CHLSN: variants seen among roughly 807,000 people sequenced by gnomAD.
CHLSN encodes the protein cholesin.
At chr7:1,065,867 G>A in the CHLSN span, among the ~76,000 whole-genome samples, 1 of 152,196 alleles carries the variant, frequency 6.6e-6, no homozygotes, top group Non-Finnish European at 1.5e-5. Flanking sequence ...TTAATACTCC[G>A]CGATCCAAAG....
chr7:981,307 A>AG, the CHLSN span, among the ~76,000 whole-genome samples: 1 of 151,552 alleles, frequency 6.6e-6, no homozygotes, highest in Non-Finnish European at 1.5e-5. Context: ...AAAAAAAAAA[A>AG]AAAAGAAAAG....
At chr7:995,428 TG>T in the CHLSN span, among the ~76,000 whole-genome samples, 1 of 152,338 alleles carries the variant, frequency 6.6e-6, no homozygotes, top group South Asian at 2.1e-4. Context: ...TTCCCACTAA[TG>T]GTCGGTGAGG....
chr7:1,062,168 C>T, the CHLSN span, among the ~76,000 whole-genome samples: 1 of 152,138 alleles, frequency 6.6e-6, no homozygotes, highest in African/African-American at 2.4e-5. Context: ...TGCCCTGCTT[C>T]CTTAAGTAAG....
chr7:1,135,978 A>AAT, the CHLSN span, among the ~76,000 whole-genome samples: 1 of 117,194 alleles, frequency 8.5e-6, no homozygotes, highest in Non-Finnish European at 1.6e-5. Flanking sequence ...AGTATATATA[A>AAT]ATATATAAGC....
chr7:1,114,743 G>A, the CHLSN span, among the ~76,000 whole-genome samples: 1 of 152,266 alleles, frequency 6.6e-6, no homozygotes, highest in Non-Finnish European at 1.5e-5. Flanking sequence ...CCCAAACCGC[G>A]GGGTGAGCCA....
the CHLSN span, among the ~76,000 whole-genome samples, chr7:1,099,111 TCGC>T: frequency 7.2e-6 from 1 of 138,324 alleles, no homozygotes; most frequent in South Asian, 2.3e-4. Context: ...TTCCGGAGCC[TCGC>T]TGTCGCGTTC....
chr7:1,046,726 G>A, the CHLSN span, among the ~76,000 whole-genome samples: 1 of 152,214 alleles, frequency 6.6e-6, no homozygotes, highest in South Asian at 2.1e-4. Flanking sequence ...GGTGGGGCAG[G>A]TGTCTGTTCA....
At chr7:1,102,522 T>C in the CHLSN span, among the ~76,000 whole-genome samples, 1 of 152,144 alleles carries the variant, frequency 6.6e-6, no homozygotes, top group Non-Finnish European at 1.5e-5. Context: ...GCTTCTTTGG[T>C]AAAACCAAAG....
chr7:1,092,768 C>G, the CHLSN span: 1 of 1,613,676 alleles, frequency 6.2e-7, no homozygotes, highest in Non-Finnish European at 8.5e-7. Flanking sequence ...AATTTGCCGG[C>G]CCTGAACCGC....
the CHLSN span, among the ~76,000 whole-genome samples, chr7:1,040,617 T>C: frequency 2.7e-5 from 4 of 150,776 alleles, no homozygotes; most frequent in African/African-American, 9.8e-5. Context: ...TAGGAGAAAA[T>C]GTTTGGGACC....
chr7:1,052,703 C>T, the CHLSN span, among the ~76,000 whole-genome samples: 464 of 152,100 alleles, frequency 3.1e-3, 2 homozygotes, highest in African/African-American at 9.9e-3. The surrounding 1 kb of genome is among the most constrained non-coding windows in gnomAD (Gnocchi z 4.2). Context: ...TGGCGGGCCC[C>T]GGAAGCTGAA....
At chr7:1,022,334 T>A in the CHLSN span, among the ~76,000 whole-genome samples, 1 of 152,172 alleles carries the variant, frequency 6.6e-6, no homozygotes, top group Non-Finnish European at 1.5e-5. Flanking sequence ...AGGAGCCTGG[T>A]CCCACGTCCC....
the CHLSN span, among the ~76,000 whole-genome samples, chr7:1,130,307 G>A: frequency 6.6e-6 from 1 of 152,224 alleles, no homozygotes; most frequent in Admixed American, 6.5e-5. Flanking sequence ...GCCTGCTGGA[G>A]GGGCTGGGAT....
At chr7:1,011,192 A>C in the CHLSN span, among the ~76,000 whole-genome samples, 2 of 118,556 alleles carry the variant, frequency 1.7e-5, no homozygotes, top group African/African-American at 6.8e-5. Context: ...ACACTCACCC[A>C]CCCACACCCA....
the CHLSN span, among the ~76,000 whole-genome samples, chr7:1,030,409 G>C: frequency 1.3e-5 from 2 of 152,224 alleles, no homozygotes; most frequent in African/African-American, 4.8e-5. Flanking sequence ...GGGAGAAGCT[G>C]GCCTGGCAGT....
the CHLSN span, among the ~76,000 whole-genome samples, chr7:1,118,799 C>A: frequency 3.8e-4 from 29 of 76,274 alleles, no homozygotes; most frequent in East Asian, 2.0e-3. Flanking sequence ...CCATCTCTAC[C>A]AAAAAAAAAA....
chr7:1,009,083 C>T, the CHLSN span, among the ~76,000 whole-genome samples: 506 of 148,732 alleles, frequency 3.4e-3, 1 homozygote, highest in Middle Eastern at 6.9e-3. Context: ...TGCACATCCA[C>T]GCAGGCCCCG....
chr7:988,581 C>T, the CHLSN span: 2 of 1,598,786 alleles, frequency 1.3e-6, no homozygotes, highest in Admixed American at 1.7e-5. Flanking sequence ...CCCACCCCTC[C>T]CCTCCAGGAG....
chr7:1,005,831 T>A, the CHLSN span, among the ~76,000 whole-genome samples: 1 of 152,048 alleles, frequency 6.6e-6, no homozygotes, highest in African/African-American at 2.4e-5. Flanking sequence ...GTGGCCCGGG[T>A]CCCAGTTCCT....
Sources: allele counts gnomAD v4.1 joint callset (sites outside exome capture counted in the v4.1 genomes callset), GRCh38; gene constraint gnomAD v4.1.1; non-coding constraint Gnocchi (gnomAD v3.1); transcripts MANE v1.5; gene names NCBI Gene and HGNC (gene_info 2026-07-23, HGNC 2026-07-21).